TECPR2: variants seen among roughly 807,000 people sequenced by gnomAD.
TECPR2 encodes tectonin beta-propeller repeat containing 2.
Under a neutral mutation model 138.1 loss-of-function variants are expected in TECPR2, and 65 were observed. The observed-to-expected ratio is 0.47, with a 90% confidence interval of 0.39 to 0.58. TECPR2 has a LOEUF of 0.58. Among genes scored for constraint, TECPR2 ranks in the 20% least tolerant of loss-of-function variants. The probability of loss-of-function intolerance (pLI) is 0.00; values close to 1 mark genes in which losing one functional copy is unlikely to be tolerated. For missense variants in TECPR2, 1,553 were observed against 1,824.5 expected, an observed-to-expected ratio of 0.85 and a Z score of 2.71; for synonymous variants, 746 against 749.8, an observed-to-expected ratio of 0.99 and a Z score of 0.08.
At position 102,502,171 on chromosome 14, in the gene TECPR2, A is replaced by T. The variant is rs532859247; in HGVS notation, c.*3914A>T. ...GCAGGACCTCACCGCGCCAGCGTGAAGTTCCCGGGCATGGTCATGAAAGCG... is the reference window on the plus strand; with the variant it reads ...GCAGGACCTCACCGCGCCAGCGTGATGTTCCCGGGCATGGTCATGAAAGCG... On this transcript the variant is annotated 3_prime_UTR_variant, in exon 20 of 20. Coordinates refer to ENST00000359520, the MANE Select transcript of TECPR2 (RefSeq NM_014844.5). 2 of 152,316 alleles carry T rather than the reference A, an allele frequency of 1.3e-5. No individual in the cohort carries two copies. The highest frequency in any genetic ancestry group is 2.9e-5 in the Non-Finnish European group (2 of 68,044). 9.4% of individuals were successfully genotyped at this position (152,316 alleles called of 1,614,324 possible).
rs1426716434 is a variant in TECPR2, at chr14:102,362,942, C to G, written c.-247C>G. ...GTCACGTCCGCCCCGCCCGCTGCCACTTGTGGCTCTGCCGCTCTAGCCCCC... is the reference window on the plus strand; with the variant it reads ...GTCACGTCCGCCCCGCCCGCTGCCAGTTGTGGCTCTGCCGCTCTAGCCCCC... On this transcript the variant is annotated 5_prime_UTR_variant, in exon 1 of 20. Transcript: ENST00000359520. 3.9e-6 allele frequency: 6 copies of G among 1,530,194 alleles called. No individual in the cohort carries two copies. Among genetic ancestry groups the G allele is most frequent in the East Asian group, 2.4e-5 (1 of 42,110 alleles). The allele number at this position is 1,530,194 out of a possible 1,614,324, so 94.8% of individuals were successfully genotyped here.
In TECPR2 at chr14:102,499,583, G is replaced by T; in HGVS notation, c.*1326G>T. ...GCGGGGTATGGGTTGACACTTGACA[G>T]GTTGAAACCAGTGCCTCTATGGACG... On this transcript the variant is annotated 3_prime_UTR_variant, in exon 20 of 20. Coordinates refer to ENST00000359520, the MANE Select transcript of TECPR2 (RefSeq NM_014844.5). 1 of 293,970 alleles carries T rather than the reference G, an allele frequency of 3.4e-6. No homozygotes were observed. The highest frequency in any genetic ancestry group is 6.5e-6 in the Non-Finnish European group (1 of 153,446). The allele number at this position is 293,970 out of a possible 1,614,324, so 18.2% of individuals were successfully genotyped here.
chr14:102,452,662 C>A, intron 16 of TECPR2, 35 bp downstream of exon 16: 1 of 1,510,988 alleles, frequency 6.6e-7, no homozygotes, highest in East Asian at 2.4e-5. Context: ...TGCCGGTGCC[C>A]TGACTGCCCT....
intron 5 of TECPR2, among the ~76,000 whole-genome samples, chr14:102,422,049 G>T (rs564262262): frequency 6.6e-6 from 1 of 151,812 alleles, no homozygotes; most frequent in Non-Finnish European, 1.5e-5. Flanking sequence ...GTATAATCAC[G>T]TTTAAAAAGC....
chr14:102,423,702 T>C (rs896538290), intron 5 of TECPR2, among the ~76,000 whole-genome samples: 2 of 152,194 alleles, frequency 1.3e-5, no homozygotes, highest in Non-Finnish European at 2.9e-5. Context: ...CAAACATCCC[T>C]GTCACTAAGT....
intron 7 of TECPR2, among the ~76,000 whole-genome samples, chr14:102,430,047 A>G (rs960568404): frequency 1.3e-5 from 2 of 151,946 alleles, no homozygotes; most frequent in African/African-American, 4.8e-5. Context: ...GGTCACTGCA[A>G]CCTCCACCTC....
intron 17 of TECPR2, among the ~76,000 whole-genome samples, chr14:102,480,147 G>T (rs1890855124): frequency 6.6e-6 from 1 of 151,936 alleles, no homozygotes; most frequent in African/African-American, 2.4e-5. Context: ...AAATGTCCAG[G>T]CCTCGGCCCT....
chr14:102,441,657 TCTCCAG>T (rs1889837548), intron 11 of TECPR2, among the ~76,000 whole-genome samples: 1 of 151,974 alleles, frequency 6.6e-6, no homozygotes, highest in Admixed American at 6.6e-5. Flanking sequence ...GCCACTGCAC[TCTCCAG>T]CCTGGTGACA....
chr14:102,421,187 C>T (rs751922088), intron 5 of TECPR2, among the ~76,000 whole-genome samples: 2 of 152,112 alleles, frequency 1.3e-5, no homozygotes, highest in Admixed American at 6.5e-5. Context: ...AAAATTGGAT[C>T]GCCAAGAGAA....
At position 102,496,676 on chromosome 14, in the gene TECPR2, C is replaced by G. The variant is rs140060610; in HGVS notation, c.3790-303C>G. ...CTTCACAGCCAGGTCCGCCGCATCT[C>G]TCCTCTCATTCCTCCACTCTCTGTT... is the stretch of plus-strand genomic sequence containing the variant. On this transcript the variant is annotated intron_variant, in intron 17 of 19. Transcript: ENST00000359520. Among the ~76,000 whole-genome samples the G allele has an allele frequency of 1.6e-3, 248 of 152,302 alleles. 2 individuals carry two copies. Among genetic ancestry groups the G allele is most frequent in the African/African-American group, 5.5e-3 (227 of 41,558 alleles).
At chr14:102,468,292 A>T (rs573427018) in intron 17 of TECPR2, among the ~76,000 whole-genome samples, 1 of 152,148 alleles carries the variant, frequency 6.6e-6, no homozygotes, top group South Asian at 2.1e-4. Context: ...GATTCAAGTG[A>T]TTCTACTGCC....
Position 102,438,064 on chromosome 14 carries a change from A to T in TECPR2, c.2437A>T (p.Ile813Phe). The change falls in exon 10 of 20, where the codon ATC becomes TTC. Residue 813 changes from isoleucine to phenylalanine, a missense_variant. Physicochemically the swap from Ile to Phe is conservative, Grantham distance 21 (BLOSUM62 0). Coordinates refer to ENST00000359520, the MANE Select transcript of TECPR2 (RefSeq NM_014844.5). The part of the protein sequence containing the change: ...WMGYSGPGYG[I>F]LSLVVSEKYI... ...GGGCTACTCGGGTCCCGGCTATGGC[A>T]TCCTCAGCTTGGTGGTCTCCGAGAA... is the stretch of plus-strand genomic sequence containing the variant. The T allele has an allele frequency of 6.2e-7, 1 of 1,614,094 alleles. No individual in the cohort carries two copies. The highest frequency in any genetic ancestry group is 8.5e-7 in the Non-Finnish European group (1 of 1,179,986).
Position 102,430,851 on chromosome 14 carries a change from A to G in TECPR2, c.1085-945A>G, listed in dbSNP as rs114844319. Among the ~76,000 whole-genome samples the G allele has an allele frequency of 5.8e-3, 886 of 152,254 alleles. 4 individuals carry two copies. Among genetic ancestry groups the G allele is most frequent in the African/African-American group, 0.021 (857 of 41,536 alleles). ...TACCTTTCCCTCTTCCAGGAAACTT[A>G]ATTACAGGTACACATGTATTTTTCA... On this transcript the variant is annotated intron_variant, in intron 7 of 19. Transcript: ENST00000359520.
chr14:102,398,122 G>A (rs1269576485), intron 2 of TECPR2, among the ~76,000 whole-genome samples: 2 of 148,210 alleles, frequency 1.3e-5, no homozygotes, highest in African/African-American at 4.9e-5. Context: ...AAGGAAAACA[G>A]TGTACAAATA....
chr14:102,407,975 C>T (rs1036163402), intron 3 of TECPR2, among the ~76,000 whole-genome samples: 2 of 150,466 alleles, frequency 1.3e-5, no homozygotes, highest in South Asian at 2.1e-4. Context: ...CCAGCCTGGG[C>T]GACAGAGGGA....
At chr14:102,486,388 C>T (rs1891026703) in intron 17 of TECPR2, among the ~76,000 whole-genome samples, 1 of 152,248 alleles carries the variant, frequency 6.6e-6, no homozygotes, top group African/African-American at 2.4e-5. Context: ...TAACCTCAAC[C>T]TCCTGGGCTC....
intron 16 of TECPR2, among the ~76,000 whole-genome samples, chr14:102,464,237 G>T (rs913502466): frequency 6.6e-6 from 1 of 152,216 alleles, no homozygotes; most frequent in African/African-American, 2.4e-5. Flanking sequence ...CACAGCAGCT[G>T]CTCAGGAACT....
intron 17 of TECPR2, among the ~76,000 whole-genome samples, chr14:102,490,761 A>T (rs1229488680): frequency 6.6e-6 from 1 of 152,208 alleles, no homozygotes; most frequent in African/African-American, 2.4e-5. Flanking sequence ...CTGTACCACC[A>T]GCCCCTGGCT....
Position 102,370,579 on chromosome 14 carries a change from G to C in TECPR2, c.-72-6071G>C, listed in dbSNP as rs867093316. ...GCAATTCAGTGTGGCTGGAGGACAAGTGAGAGATCCTCGGGTGGCAGAGGC... is the reference window on the plus strand; with the variant it reads ...GCAATTCAGTGTGGCTGGAGGACAACTGAGAGATCCTCGGGTGGCAGAGGC... On this transcript the variant is annotated intron_variant, in intron 1 of 19. Transcript: ENST00000359520. 2.6e-5 allele frequency among the ~76,000 whole-genome samples: 4 copies of C among 152,352 alleles called. 1 individual carries two copies. Among genetic ancestry groups the C allele is most frequent in the Middle Eastern group, 6.8e-3 (2 of 294 alleles).
Sources: allele counts gnomAD v4.1 joint callset (sites outside exome capture counted in the v4.1 genomes callset), GRCh38; gene constraint gnomAD v4.1.1; transcripts MANE v1.5; gene names NCBI Gene and HGNC (gene_info 2026-07-23, HGNC 2026-07-21).